GBE1: variants seen among roughly 807,000 people sequenced by gnomAD.
GBE1 encodes 1,4-alpha-glucan branching enzyme 1, also known as 1,4-alpha-glucan-branching enzyme.
A neutral mutation model predicts 88.8 loss-of-function variants in GBE1; 70 were observed. The observed-to-expected ratio is 0.79, with a 90% CI of 0.65 to 0.96. GBE1 has a LOEUF of 0.96. Ranked by LOEUF, GBE1 falls within the 40% of genes least tolerant of loss-of-function variation. The pLI is 0.00. For synonymous variants in GBE1, 284 were observed against 300.1 expected, an observed-to-expected ratio of 0.95 and a Z score of 0.56; for missense variants, 872 against 871.0, an observed-to-expected ratio of 1.00 and a Z score of -0.01.
intron 6 of GBE1, among the ~76,000 whole-genome samples, chr3:81,644,338 T>G (rs11710970): frequency 6.6e-6 from 1 of 151,906 alleles, no homozygotes; most frequent in Non-Finnish European, 1.5e-5. Context: ...TAAAGTTTCA[T>G]GGAAAAGGCA....
intron 8 of GBE1, among the ~76,000 whole-genome samples, chr3:81,591,977 T>C (rs1642604258): frequency 6.6e-6 from 1 of 152,142 alleles, no homozygotes; most frequent in Admixed American, 6.6e-5. Flanking sequence ...AGTTTCTCAT[T>C]TTTGATGCTG....
rs1235537423 is a variant in GBE1, at chr3:81,664,421, T to C, written c.429+6417A>G. Among the ~76,000 whole-genome samples, 8 of 80,126 alleles carry C rather than the reference T, an allele frequency of 1.0e-4. No individual in the cohort carries two copies. In the East Asian group the frequency reaches 1.8e-3, roughly 18 times the overall value. The allele number at this position is 80,126 out of a possible 152,430, so 52.6% of individuals were successfully genotyped here. On this transcript the variant is annotated intron_variant, in intron 3 of 15. Transcript: ENST00000429644. Reference sequence around the variant, plus strand: ...AGCCTGGAAAATTAAATGGCAAAAATAGAAAACTTGAATGTGTCAAAAAAA... The same window carrying C: ...AGCCTGGAAAATTAAATGGCAAAAACAGAAAACTTGAATGTGTCAAAAAAA...
intron 14 of GBE1, among the ~76,000 whole-genome samples, chr3:81,527,033 T>A (rs950660961): frequency 6.6e-6 from 1 of 151,892 alleles, no homozygotes; most frequent in African/African-American, 2.4e-5. Flanking sequence ...TATAGACCAA[T>A]GGAACAGAAC....
chr3:81,572,613 T>A (rs368750091), intron 12 of GBE1, among the ~76,000 whole-genome samples: 3 of 152,354 alleles, frequency 2.0e-5, no homozygotes, highest in East Asian at 1.9e-4. Flanking sequence ...CAGAAAGATA[T>A]GTTCTTAATT....
chr3:81,760,043 C>T (rs559957127), intron 1 of GBE1, among the ~76,000 whole-genome samples: 73 of 152,250 alleles, frequency 4.8e-4, no homozygotes, highest in South Asian at 1.7e-3. Flanking sequence ...TCAAATCCAA[C>T]CTTAAACCTA....
intron 7 of GBE1, chr3:81,612,694 C>T (rs1576169786): frequency 3.8e-6 from 2 of 520,286 alleles, no homozygotes; most frequent in East Asian, 1.0e-4. Context: ...TTTTGTACTT[C>T]ATCACTGTGT....
chr3:81,705,940 G>A (rs1322228476), intron 1 of GBE1, among the ~76,000 whole-genome samples: 2 of 152,070 alleles, frequency 1.3e-5, no homozygotes, highest in Admixed American at 6.6e-5. Context: ...TAATGGAACA[G>A]AATCTCTACA....
intron 3 of GBE1, among the ~76,000 whole-genome samples, chr3:81,653,798 T>C (rs1003669489): frequency 1.3e-5 from 2 of 152,150 alleles, no homozygotes; most frequent in Non-Finnish European, 2.9e-5. Context: ...TATAAAAATA[T>C]CAATATGGTT....
At chr3:81,610,177 G>C (rs963210573) in intron 7 of GBE1, among the ~76,000 whole-genome samples, 6 of 152,086 alleles carry the variant, frequency 3.9e-5, no homozygotes, top group African/African-American at 1.4e-4. Flanking sequence ...TTCAAATTTT[G>C]AGTTTTACCC....
chr3:81,659,166 A>C (rs1704986175), intron 3 of GBE1, among the ~76,000 whole-genome samples: 1 of 152,134 alleles, frequency 6.6e-6, no homozygotes. Flanking sequence ...CCAATAAAAA[A>C]AAATCTAAGA....
chr3:81,743,960 T>A (rs1470082202), intron 1 of GBE1, among the ~76,000 whole-genome samples: 1 of 152,134 alleles, frequency 6.6e-6, no homozygotes, highest in African/African-American at 2.4e-5. Context: ...TATAAAAAAG[T>A]CACTGGTCAA....
At chr3:81,642,171 G>A (rs1243415292) in intron 7 of GBE1, among the ~76,000 whole-genome samples, 1 of 151,708 alleles carries the variant, frequency 6.6e-6, no homozygotes, top group African/African-American at 2.4e-5. Flanking sequence ...CTTAACAAAT[G>A]GTTTCAACAC....
At chr3:81,658,753 C>T (rs532933653) in intron 3 of GBE1, among the ~76,000 whole-genome samples, 1 of 152,200 alleles carries the variant, frequency 6.6e-6, no homozygotes, top group South Asian at 2.1e-4. Context: ...AAGTACATTA[C>T]CTGAACAAAA....
intron 1 of GBE1, among the ~76,000 whole-genome samples, chr3:81,743,956 A>C (rs1706388106): frequency 6.6e-6 from 1 of 152,136 alleles, no homozygotes. Flanking sequence ...CAAATATAAA[A>C]AAGTCACTGG....
In GBE1 at chr3:81,558,381, T is replaced by C. The variant is rs1703375717; in HGVS notation, c.1618+19544A>G. Among the ~76,000 whole-genome samples, 3 of 152,000 alleles carry C rather than the reference T, an allele frequency of 2.0e-5. 1 individual carries two copies. Among genetic ancestry groups the C allele is most frequent in the Admixed American group, 2.0e-4 (3 of 15,222 alleles). ...ATTACAATTTAAAAACAAAAACAAC[T>C]TAGGTATCAAATATATATCATCTAT... On this transcript the variant is annotated intron_variant, in intron 12 of 15. Transcript: ENST00000429644.
chr3:81,740,978 GA>G (rs1336999037), intron 1 of GBE1, among the ~76,000 whole-genome samples: 1 of 152,008 alleles, frequency 6.6e-6, no homozygotes, highest in African/African-American at 2.4e-5. Flanking sequence ...AAAAGGTTAA[GA>G]AAAAATAGAG....
chr3:81,676,017 T>A (rs562330951), intron 2 of GBE1, among the ~76,000 whole-genome samples: 2 of 152,162 alleles, frequency 1.3e-5, no homozygotes, highest in African/African-American at 4.8e-5. Context: ...ATAGTAAATA[T>A]ATTTTCTGTT....
chr3:81,731,035 C>T (rs1706178168), intron 1 of GBE1, among the ~76,000 whole-genome samples: 1 of 152,036 alleles, frequency 6.6e-6, no homozygotes. Context: ...AAACTTTTAA[C>T]CCTGAAAAAA....
chr3:81,540,990 A>G (rs981536229), intron 12 of GBE1, among the ~76,000 whole-genome samples: 8 of 151,938 alleles, frequency 5.3e-5, no homozygotes, highest in Admixed American at 1.3e-4. Flanking sequence ...CACTCCTGGC[A>G]CCTGATGACC....
Sources: gnomAD v4.1 joint callset for allele counts (sites outside exome capture counted in the v4.1 genomes callset) on GRCh38, gnomAD v4.1.1 for gene constraint, MANE v1.5 for transcripts, NCBI Gene and HGNC (gene_info 2026-07-23, HGNC 2026-07-21) for gene names.